Variants in ZBTB7C observed in about 807,000 individuals in gnomAD.
ZBTB7C encodes zinc finger and BTB domain containing 7C, also known as zinc finger and BTB domain-containing protein 7C.
A neutral mutation model predicts 25.7 loss-of-function variants in ZBTB7C; 8 were observed. The observed-to-expected ratio is 0.31, with a 90% CI of 0.18 to 0.56. ZBTB7C has a LOEUF of 0.56. Among genes scored for constraint, ZBTB7C ranks in the 20% least tolerant of loss-of-function variants. The pLI, the probability that ZBTB7C is intolerant of heterozygous loss-of-function variation, is 0.91. For missense variants in ZBTB7C, 824 were observed against 855.2 expected (o/e 0.96, Z 0.46); for synonymous variants, 394 against 369.0 (o/e 1.07, Z -0.78).
intron 3 of ZBTB7C, among the ~76,000 whole-genome samples, chr18:48,153,870 T>C (rs896347231): frequency 2.6e-5 from 4 of 152,218 alleles, no homozygotes. Context: ...CCCTCAGTCC[T>C]TCCCCTCTCA....
rs1450281121 is a variant in ZBTB7C, at chr18:48,347,134, T to G, written c.-303-8736A>C. On this transcript the variant is annotated intron_variant, in intron 1 of 4. Transcript: ENST00000590800. ...TCCCAGTTTTTGTTTGTTTTTTTTTTTTTTTTTTTTTTTTGAGACGGAGTC... is the reference window on the plus strand; with the variant it reads ...TCCCAGTTTTTGTTTGTTTTTTTTTGTTTTTTTTTTTTTTGAGACGGAGTC... 5.1e-4 allele frequency among the ~76,000 whole-genome samples: 73 copies of G among 144,106 alleles called. 1 individual carries two copies. The highest frequency in any genetic ancestry group is 1.7e-3 in the African/African-American group (66 of 38,732). The allele number at this position is 144,106 out of a possible 152,430, so 94.5% of individuals were successfully genotyped here. A position where few individuals can be genotyped will look rare whatever the true frequency, so the allele number is the denominator to read the frequency against.
chr18:48,191,565 T>C (rs571696803), intron 2 of ZBTB7C, among the ~76,000 whole-genome samples: 5 of 152,334 alleles, frequency 3.3e-5, no homozygotes, highest in African/African-American at 1.2e-4. Context: ...GCCACTATGC[T>C]TATTGCTCAG....
At chr18:48,401,164 G>C (rs1197156320) in intron 1 of ZBTB7C, among the ~76,000 whole-genome samples, 1 of 152,122 alleles carries the variant, frequency 6.6e-6, no homozygotes, top group African/African-American at 2.4e-5. Flanking sequence ...CTGTAGGCTG[G>C]GATTTTATTC....
chr18:48,153,066 A>T (rs1270618969), intron 3 of ZBTB7C, among the ~76,000 whole-genome samples: 1 of 152,200 alleles, frequency 6.6e-6, no homozygotes, highest in African/African-American at 2.4e-5. Context: ...TGATGTTGGG[A>T]TGTCAGAATC....
At chr18:48,232,362 G>A (rs1366535797) in intron 2 of ZBTB7C, among the ~76,000 whole-genome samples, 1 of 152,130 alleles carries the variant, frequency 6.6e-6, no homozygotes, top group Non-Finnish European at 1.5e-5. Context: ...GACTAGAACT[G>A]TCAGAAAATA....
intron 3 of ZBTB7C, among the ~76,000 whole-genome samples, chr18:48,043,090 G>A (rs9951883): frequency 0.012 from 1,786 of 152,244 alleles, 39 homozygotes; most frequent in African/African-American, 0.041. Context: ...TGATAACACC[G>A]AATGCTGGTG....
At chr18:48,219,428 C>T (rs985605302) in intron 2 of ZBTB7C, among the ~76,000 whole-genome samples, 2 of 152,238 alleles carry the variant, frequency 1.3e-5, no homozygotes, top group Non-Finnish European at 2.9e-5. Context: ...AATTCATTTA[C>T]TCCCTACTGT....
chr18:48,163,159 T>A (rs1199793736), intron 3 of ZBTB7C, among the ~76,000 whole-genome samples: 2 of 152,102 alleles, frequency 1.3e-5, no homozygotes, highest in African/African-American at 4.8e-5. Flanking sequence ...CTTGGCCATC[T>A]CTCTCCCATC....
chr18:48,288,760 A>G (rs2144675008), intron 2 of ZBTB7C, among the ~76,000 whole-genome samples: 1 of 152,344 alleles, frequency 6.6e-6, no homozygotes, highest in Non-Finnish European at 1.5e-5. Context: ...TCTGAACCAG[A>G]AAGCCCTCAC....
At chr18:48,380,769 T>C (rs1385044212) in intron 1 of ZBTB7C, among the ~76,000 whole-genome samples, 2 of 152,180 alleles carry the variant, frequency 1.3e-5, no homozygotes. Flanking sequence ...GAAATTTAGT[T>C]AATGATAACA....
intron 3 of ZBTB7C, chr18:48,180,238 C>G (rs1220863127): frequency 2.6e-6 from 1 of 381,346 alleles, no homozygotes; most frequent in Non-Finnish European, 5.3e-6. Flanking sequence ...TTCCCTCCTT[C>G]CTTCCTTCCA....
intron 3 of ZBTB7C, among the ~76,000 whole-genome samples, chr18:48,184,314 A>G (rs1479256146): frequency 2.0e-5 from 3 of 152,188 alleles, no homozygotes; most frequent in African/African-American, 7.2e-5. Context: ...GGCTGAGCCA[A>G]AAGGACCTGT....
At chr18:48,077,825 C>A (rs953319633) in intron 3 of ZBTB7C, among the ~76,000 whole-genome samples, 1 of 152,204 alleles carries the variant, frequency 6.6e-6, no homozygotes, top group Admixed American at 6.5e-5. Flanking sequence ...CTGCTGGCTC[C>A]CTGGTTATAG....
At chr18:48,335,643 A>T (rs909957895) in intron 2 of ZBTB7C, among the ~76,000 whole-genome samples, 9 of 152,232 alleles carry the variant, frequency 5.9e-5, no homozygotes, top group Admixed American at 5.9e-4. Context: ...TTGGCAAGAT[A>T]TTCTAGAGTC....
chr18:48,331,903 G>C (rs2046349687), intron 2 of ZBTB7C, among the ~76,000 whole-genome samples: 1 of 152,030 alleles, frequency 6.6e-6, no homozygotes, highest in African/African-American at 2.4e-5. Flanking sequence ...CAAAATGTTT[G>C]TGTATGTTGT....
intron 3 of ZBTB7C, among the ~76,000 whole-genome samples, chr18:48,057,390 C>T (rs1326605930): frequency 6.6e-6 from 1 of 151,934 alleles, no homozygotes; most frequent in African/African-American, 2.4e-5. Flanking sequence ...TACTATGCAG[C>T]CATTAAAAAG....
At chr18:48,081,497 C>T (rs1437142781) in intron 3 of ZBTB7C, among the ~76,000 whole-genome samples, 3 of 150,586 alleles carry the variant, frequency 2.0e-5, no homozygotes, top group Admixed American at 6.6e-5. Flanking sequence ...CTCACTCTGT[C>T]GCCCAGGCTG....
At chr18:48,295,553 T>C (rs2045362802) in intron 2 of ZBTB7C, among the ~76,000 whole-genome samples, 1 of 151,996 alleles carries the variant, frequency 6.6e-6, no homozygotes, top group African/African-American at 2.4e-5. Flanking sequence ...GGACTCAGGC[T>C]AAGATTGTTT....
intron 3 of ZBTB7C, among the ~76,000 whole-genome samples, chr18:48,082,276 T>C (rs892606477): frequency 6.6e-6 from 1 of 152,212 alleles, no homozygotes; most frequent in African/African-American, 2.4e-5. Flanking sequence ...ATCTTGAGCA[T>C]GAGATCTGAG....
Sources: gnomAD v4.1 joint callset for allele counts (sites outside exome capture counted in the v4.1 genomes callset) on GRCh38, gnomAD v4.1.1 for gene constraint, MANE v1.5 for transcripts, NCBI Gene and HGNC (gene_info 2026-07-23, HGNC 2026-07-21) for gene names.